Variants in CTNNA2 observed in about 807,000 individuals in gnomAD.
The protein encoded by CTNNA2 is catenin alpha 2, also known as catenin alpha-2.
In CTNNA2, 42 loss-of-function variants were observed where a neutral mutation model predicts 101.0. That is an observed-to-expected ratio of 0.42 (90% CI 0.32 to 0.54). CTNNA2 has a LOEUF of 0.54. Ranked by LOEUF, CTNNA2 falls within the 20% of genes least tolerant of loss-of-function variation. The probability of loss-of-function intolerance (pLI) is 0.14; values close to 1 mark genes in which losing one functional copy is unlikely to be tolerated. For synonymous variants in CTNNA2, 450 were observed against 456.4 expected, an observed-to-expected ratio of 0.99 and a Z score of 0.18; for missense variants, 871 against 1,223.1, an observed-to-expected ratio of 0.71 and a Z score of 4.29.
intron 7 of CTNNA2, among the ~76,000 whole-genome samples, chr2:80,320,461 G>A (rs1055916809): frequency 6.6e-6 from 1 of 152,106 alleles, no homozygotes; most frequent in African/African-American, 2.4e-5. Context: ...CACCTTCTCC[G>A]AATTGTGATA....
At chr2:79,659,313 G>T (rs957605140) in intron 2 of CTNNA2, among the ~76,000 whole-genome samples, 3 of 149,698 alleles carry the variant, frequency 2.0e-5, no homozygotes, top group African/African-American at 7.4e-5. Context: ...AAAATATAAA[G>T]TGAGGCATCA....
intron 2 of CTNNA2, among the ~76,000 whole-genome samples, chr2:79,728,066 G>T (rs1251054318): frequency 6.6e-6 from 1 of 152,144 alleles, no homozygotes; most frequent in Non-Finnish European, 1.5e-5. Context: ...ATAGCAGCAT[G>T]ATTTGTAATC....
chr2:80,117,771 C>T (rs746162049), intron 7 of CTNNA2, among the ~76,000 whole-genome samples: 2 of 152,084 alleles, frequency 1.3e-5, no homozygotes, highest in Non-Finnish European at 2.9e-5. Flanking sequence ...GCACTTCACT[C>T]TACCAAAATG....
chr2:80,126,901 A>G (rs1702165097), intron 7 of CTNNA2, among the ~76,000 whole-genome samples: 4 of 152,296 alleles, frequency 2.6e-5, no homozygotes, highest in South Asian at 4.1e-4. Context: ...AAACAAGCTT[A>G]AGAAAACCAC....
intron 1 of CTNNA2, among the ~76,000 whole-genome samples, chr2:79,639,613 G>A (rs1358982824): frequency 6.6e-6 from 1 of 152,034 alleles, no homozygotes; most frequent in South Asian, 2.1e-4. Context: ...TTTAAGTAAA[G>A]ATATCTTAAT....
intron 17 of CTNNA2, among the ~76,000 whole-genome samples, chr2:80,609,208 C>G (rs1039082173): frequency 6.6e-6 from 1 of 151,738 alleles, no homozygotes; most frequent in East Asian, 1.9e-4. Flanking sequence ...GTGGTGAATA[C>G]CTTATGAAAA....
At chr2:80,438,552 A>G (rs964594855) in intron 9 of CTNNA2, among the ~76,000 whole-genome samples, 3 of 152,184 alleles carry the variant, frequency 2.0e-5, no homozygotes, top group Non-Finnish European at 4.4e-5. Flanking sequence ...GATGAATTTT[A>G]TGATGGTCTA....
At chr2:79,983,902 A>C (rs577997579) in intron 7 of CTNNA2, among the ~76,000 whole-genome samples, 3 of 152,262 alleles carry the variant, frequency 2.0e-5, no homozygotes, top group African/African-American at 7.2e-5. Context: ...CCTGAGAGAA[A>C]ATATAATCCA....
At chr2:79,186,713 G>A (rs866658826) in intron 1 of CTNNA2, among the ~76,000 whole-genome samples, 5 of 152,080 alleles carry the variant, frequency 3.3e-5, no homozygotes, top group Admixed American at 6.5e-5. Flanking sequence ...GAAACAGTAC[G>A]CCAGTTTCTT....
At chr2:79,192,514 C>G (rs973704896) in intron 1 of CTNNA2, among the ~76,000 whole-genome samples, 1 of 152,050 alleles carries the variant, frequency 6.6e-6, no homozygotes. Flanking sequence ...AATTCTGAAA[C>G]GCATAACCAA....
chr2:79,395,280 G>A (rs1678216979), intron 4 of CTNNA2, among the ~76,000 whole-genome samples: 1 of 151,862 alleles, frequency 6.6e-6, no homozygotes, highest in Non-Finnish European at 1.5e-5. Flanking sequence ...TAGGGTACAT[G>A]TGCACAACGT....
At chr2:80,626,496 C>T (rs1671697268) in intron 18 of CTNNA2, among the ~76,000 whole-genome samples, 1 of 152,030 alleles carries the variant, frequency 6.6e-6, no homozygotes, top group Non-Finnish European at 1.5e-5. Flanking sequence ...CTTTCATCAC[C>T]ATACATATGG....
At chr2:79,789,685 T>G (rs1484001813) in intron 3 of CTNNA2, among the ~76,000 whole-genome samples, 1 of 152,078 alleles carries the variant, frequency 6.6e-6, no homozygotes, top group African/African-American at 2.4e-5. Flanking sequence ...TGGCACATTT[T>G]TACGGTAGAG....
rs149681629 is a variant in CTNNA2, at chr2:79,889,214, C to T, written c.852+14872C>T. ...CACACACACACGTGCAACAACTGCA[C>T]GTGAAGCATCCATTTGGATTTTTCA... On this transcript the variant is annotated intron_variant, in intron 6 of 18. Transcript: ENST00000402739. Among the ~76,000 whole-genome samples the T allele has an allele frequency of 5.7e-3, 866 of 152,232 alleles. 2 individuals carry two copies. Among genetic ancestry groups the T allele is most frequent in the Middle Eastern group, 0.014 (4 of 294 alleles).
chr2:79,778,735 TTCTCTC>T (rs930628704), intron 3 of CTNNA2, among the ~76,000 whole-genome samples: 1 of 152,084 alleles, frequency 6.6e-6, no homozygotes, highest in African/African-American at 2.4e-5. Flanking sequence ...CTTTCTTTCT[TTCTCTC>T]TCTCCTCTCT....
At chr2:80,015,721 A>G (rs1694098997) in intron 7 of CTNNA2, among the ~76,000 whole-genome samples, 1 of 152,180 alleles carries the variant, frequency 6.6e-6, no homozygotes, top group Admixed American at 6.5e-5. Context: ...AGTTTTTGTA[A>G]ACACTCAAGT....
intron 12 of CTNNA2, among the ~76,000 whole-genome samples, chr2:80,559,837 G>A (rs1693386317): frequency 6.7e-6 from 1 of 148,402 alleles, no homozygotes; most frequent in Admixed American, 6.7e-5. Context: ...GTTGCTGCAG[G>A]AGGCTGAGGA....
chr2:79,930,281 AGAGAGAG>A (rs1558650752), intron 7 of CTNNA2, among the ~76,000 whole-genome samples: 20 of 91,000 alleles, frequency 2.2e-4, no homozygotes, highest in African/African-American at 5.8e-4. Flanking sequence ...AAAGAAAGAG[AGAGAGAG>A]AGAAAGAGAA....
chr2:79,545,871 C>T (rs947357373), intron 1 of CTNNA2, among the ~76,000 whole-genome samples: 2 of 152,130 alleles, frequency 1.3e-5, no homozygotes, highest in Non-Finnish European at 2.9e-5. Context: ...AATTATAAAG[C>T]ACTTCATATG....
Sources: gnomAD v4.1 joint callset for allele counts (sites outside exome capture counted in the v4.1 genomes callset) on GRCh38, gnomAD v4.1.1 for gene constraint, MANE v1.5 for transcripts, NCBI Gene and HGNC (gene_info 2026-07-23, HGNC 2026-07-21) for gene names.